Variants in AKAP6 observed in about 807,000 individuals in gnomAD.
The protein encoded by AKAP6 is A-kinase anchoring protein 6.
A neutral mutation model predicts 188.5 loss-of-function variants in AKAP6; 58 were observed. The observed-to-expected ratio is 0.31, with a 90% CI of 0.25 to 0.38. The LOEUF (loss-of-function observed/expected upper bound fraction) is 0.38, where lower values mean the gene tolerates loss of function less well. AKAP6 is among the 10% of genes least tolerant of loss of function. The probability of loss-of-function intolerance (pLI) is 1.00; values close to 1 mark genes in which losing one functional copy is unlikely to be tolerated. For synonymous variants in AKAP6, 989 were observed against 998.6 expected (o/e 0.99, Z 0.18); for missense variants, 2,710 against 2,740.0 (o/e 0.99, Z 0.24).
chr14:32,694,564 T>G (rs1890319881), intron 8 of AKAP6, among the ~76,000 whole-genome samples: 2 of 152,214 alleles, frequency 1.3e-5, no homozygotes, highest in Admixed American at 1.3e-4. Flanking sequence ...TTTAACTACA[T>G]CAACTATAAC....
chr14:32,553,104 T>C (rs901498547), intron 4 of AKAP6, among the ~76,000 whole-genome samples: 3 of 152,174 alleles, frequency 2.0e-5, no homozygotes, highest in African/African-American at 7.2e-5. Context: ...GTATCTTTCT[T>C]ATAATAGACT....
intron 11 of AKAP6, among the ~76,000 whole-genome samples, chr14:32,760,086 G>A (rs1205805206): frequency 1.3e-5 from 2 of 152,134 alleles, no homozygotes; most frequent in African/African-American, 2.4e-5. Flanking sequence ...GTTAGAACAC[G>A]ACCAAGACAT....
Position 32,415,433 on chromosome 14 carries a change from A to G in AKAP6, c.-34-18027A>G, listed in dbSNP as rs1312435930. 2.6e-5 allele frequency among the ~76,000 whole-genome samples: 4 copies of G among 152,204 alleles called. No homozygotes were observed. In the East Asian group the frequency reaches 7.7e-4, roughly 29 times the overall value. ...CTTAGTTTATATGTTTTAGATCTAC[A>G]GATACTTTTATCTATCCATACTTAC... On this transcript the variant is annotated intron_variant, in intron 1 of 13. Coordinates refer to ENST00000280979, the MANE Select transcript of AKAP6 (RefSeq NM_004274.5).
intron 2 of AKAP6, chr14:32,484,739 A>G (rs148878100): frequency 0.018 from 3,780 of 215,380 alleles, 1,344 homozygotes; most frequent in Middle Eastern, 0.043. Context: ...TGCGCCGAAT[A>G]GTAGGTACAG....
chr14:32,426,615 T>A (rs1890039655), intron 1 of AKAP6, among the ~76,000 whole-genome samples: 1 of 151,954 alleles, frequency 6.6e-6, no homozygotes, highest in Non-Finnish European at 1.5e-5. Flanking sequence ...TTAAAGGTGA[T>A]TTTTAGCAAC....
At chr14:32,416,203 A>G (rs1283476948) in intron 1 of AKAP6, among the ~76,000 whole-genome samples, 6 of 152,130 alleles carry the variant, frequency 3.9e-5, no homozygotes, top group South Asian at 4.1e-4. Context: ...TCTTATCAAC[A>G]CTAATTATTT....
chr14:32,424,358 A>G (rs1463891496), intron 1 of AKAP6, among the ~76,000 whole-genome samples: 3 of 151,204 alleles, frequency 2.0e-5, no homozygotes, highest in Non-Finnish European at 4.4e-5. Flanking sequence ...ACACTCAATT[A>G]TCTGCTGATT....
intron 7 of AKAP6, among the ~76,000 whole-genome samples, chr14:32,669,185 T>G (rs1181128950): frequency 6.6e-6 from 1 of 152,168 alleles, no homozygotes; most frequent in Non-Finnish European, 1.5e-5. Flanking sequence ...TAAGAGACAC[T>G]CAAGATGTAT....
At chr14:32,643,971 G>A (rs1887874392) in intron 7 of AKAP6, among the ~76,000 whole-genome samples, 2 of 152,136 alleles carry the variant, frequency 1.3e-5, no homozygotes, top group East Asian at 3.9e-4. Context: ...ATTTCTTGTA[G>A]ATATATTCAC....
At chr14:32,657,188 C>T (rs564963324) in intron 7 of AKAP6, among the ~76,000 whole-genome samples, 1 of 152,266 alleles carries the variant, frequency 6.6e-6, no homozygotes, top group African/African-American at 2.4e-5. Context: ...AAGAAAATCA[C>T]TGTAACTTGG....
chr14:32,505,111 T>C (rs898217011), intron 2 of AKAP6, among the ~76,000 whole-genome samples: 8 of 152,188 alleles, frequency 5.3e-5, no homozygotes, highest in African/African-American at 1.9e-4. Context: ...CAATCTACTA[T>C]AACCTCTAAT....
chr14:32,577,104 T>C lies in AKAP6; in HGVS notation c.2347-16T>C. On this transcript the variant is annotated splice_polypyrimidine_tract_variant and intron_variant, in intron 4 of 13. Coordinates refer to ENST00000280979, the MANE Select transcript of AKAP6 (RefSeq NM_004274.5). ...TTTCTTGCCCCTTTTTTTCCCCTTT[T>C]CTTTCCTTTCACAAGGGGTTTGTAA... 6.3e-7 allele frequency: 1 copy of C among 1,596,374 alleles called. No individual in the cohort carries two copies. The highest frequency in any genetic ancestry group is 8.5e-7 in the Non-Finnish European group (1 of 1,175,386).
At position 32,660,006 on chromosome 14, in the gene AKAP6, AT is replaced by A. The variant is rs200653705; in HGVS notation, c.2731-18304del. ...GCTATTGGCATGCTGGTTAAAAAAA[AT>A]ATATATATAAAGAAAGGTAAAAGGG... On this transcript the variant is annotated intron_variant, in intron 7 of 13. Coordinates refer to ENST00000280979, the MANE Select transcript of AKAP6 (RefSeq NM_004274.5). Among the ~76,000 whole-genome samples, 1,425 of 149,922 alleles carry A rather than the reference AT, an allele frequency of 9.5e-3. 22 individuals are homozygous for A. The highest frequency in any genetic ancestry group is 0.027 in the African/African-American group (1,084 of 39,492).
intron 1 of AKAP6, among the ~76,000 whole-genome samples, chr14:32,352,482 T>C (rs1405533032): frequency 6.6e-6 from 1 of 152,120 alleles, no homozygotes; most frequent in Non-Finnish European, 1.5e-5. Context: ...CACTGTACTG[T>C]GCAATAGAAT....
chr14:32,739,710 T>G, intron 11 of AKAP6, among the ~76,000 whole-genome samples: 1 of 152,292 alleles, frequency 6.6e-6, no homozygotes, highest in Middle Eastern at 3.4e-3. Context: ...TCTCATTCTT[T>G]TTTATAGCTG....
intron 1 of AKAP6, among the ~76,000 whole-genome samples, chr14:32,361,053 C>CAT (rs201231103): frequency 0.015 from 1,673 of 111,922 alleles, 105 homozygotes; most frequent in African/African-American, 0.057. Flanking sequence ...AAGGCCTGAA[C>CAT]ATACATATAT....
intron 7 of AKAP6, among the ~76,000 whole-genome samples, chr14:32,647,932 C>T (rs115073004): frequency 0.012 from 1,785 of 152,038 alleles, 34 homozygotes; most frequent in African/African-American, 0.041. Context: ...AAGAGTATTC[C>T]CTAAAAAGGT....
intron 3 of AKAP6, among the ~76,000 whole-genome samples, chr14:32,540,645 A>G (rs1882906830): frequency 6.6e-6 from 1 of 152,320 alleles, no homozygotes; most frequent in Admixed American, 6.5e-5. Context: ...CCCTAACTCC[A>G]TATCTTCCTG....
chr14:32,804,716 T>C (rs549396262), intron 12 of AKAP6, among the ~76,000 whole-genome samples: 24 of 152,118 alleles, frequency 1.6e-4, no homozygotes, highest in Non-Finnish European at 3.2e-4. Flanking sequence ...CTGAGGGTAC[T>C]GTAGGAGACC....
Sources: gnomAD v4.1 joint callset for allele counts (sites outside exome capture counted in the v4.1 genomes callset) on GRCh38, gnomAD v4.1.1 for gene constraint, MANE v1.5 for transcripts, NCBI Gene and HGNC (gene_info 2026-07-23, HGNC 2026-07-21) for gene names.